Variants in PRKCB observed in about 807,000 individuals in gnomAD.
The protein encoded by PRKCB is protein kinase C beta.
A neutral mutation model predicts 81.5 loss-of-function variants in PRKCB; 13 were observed. That is an observed-to-expected ratio of 0.16 (90% CI 0.10 to 0.25). The LOEUF is 0.25. Among genes scored for constraint, PRKCB ranks in the 10% least tolerant of loss-of-function variants. The pLI, the probability that PRKCB is intolerant of heterozygous loss-of-function variation, is 1.00. For synonymous variants in PRKCB, 335 were observed against 321.4 expected (o/e 1.04, Z -0.45); for missense variants, 509 against 875.7 (o/e 0.58, Z 5.29).
intron 2 of PRKCB, among the ~76,000 whole-genome samples, chr16:23,948,897 A>G (rs957654185): frequency 5.9e-5 from 9 of 152,188 alleles, no homozygotes; most frequent in Non-Finnish European, 4.4e-5. Flanking sequence ...ATCTCCTGTC[A>G]GAGATTTGTG....
intron 2 of PRKCB, among the ~76,000 whole-genome samples, chr16:23,887,586 C>A (rs1465084037): frequency 6.6e-6 from 1 of 152,178 alleles, no homozygotes; most frequent in Non-Finnish European, 1.5e-5. Flanking sequence ...TTTTCTTTAT[C>A]CAATCCATTG....
intron 2 of PRKCB, among the ~76,000 whole-genome samples, chr16:23,957,988 TTA>T (rs905768200): frequency 3.3e-5 from 5 of 152,214 alleles, no homozygotes; most frequent in African/African-American, 1.2e-4. Flanking sequence ...TTAATTATTA[TTA>T]TGTTATCCTA....
At chr16:24,143,364 C>A (rs1966933542) in intron 9 of PRKCB, among the ~76,000 whole-genome samples, 2 of 152,102 alleles carry the variant, frequency 1.3e-5, no homozygotes, top group South Asian at 4.1e-4. Context: ...AACTCCTAAC[C>A]TCAGATGATC....
chr16:23,963,828 G>A (rs1964454541), intron 2 of PRKCB: 1 of 152,224 alleles, frequency 6.6e-6, no homozygotes, highest in Admixed American at 6.5e-5. Flanking sequence ...CCGGTAAGTT[G>A]TTATTGATCT....
At position 24,019,992 on chromosome 16, in the gene PRKCB, T is replaced by C. The variant is rs562536263; in HGVS notation, c.289-12144T>C. Among the ~76,000 whole-genome samples the C allele has an allele frequency of 2.0e-5, 3 of 152,304 alleles. No homozygotes were observed. In the South Asian group the frequency reaches 6.2e-4, roughly 32 times the overall value. The stretch of plus-strand genomic sequence containing the variant: ...TCCTATGTATGCAGGTTATTTTACC[T>C]TCGTCCAACGTGATGGAGTGAAAGG... On this transcript the variant is annotated intron_variant, in intron 3 of 16. Transcript: ENST00000643927.
rs570667693 is a variant in PRKCB, at chr16:23,982,477, G to A, written c.206-6031G>A. The stretch of plus-strand genomic sequence containing the variant: ...ATTCTGTTGCCCAGGCTGGAGTGCA[G>A]TGGTGCTAACACAGCTCACTACAGC... On this transcript the variant is annotated intron_variant, in intron 2 of 16. Transcript: ENST00000643927. Among the ~76,000 whole-genome samples, 6 of 151,416 alleles carry A rather than the reference G, an allele frequency of 4.0e-5. No individual in the cohort carries two copies. The South Asian group carries it at 8.3e-4, about 21-fold the overall frequency.
intron 5 of PRKCB, among the ~76,000 whole-genome samples, chr16:24,064,222 T>G (rs949148718): frequency 6.6e-6 from 1 of 152,220 alleles, no homozygotes; most frequent in African/African-American, 2.4e-5. Context: ...AGATTTAATT[T>G]GGTGTCCCTT....
chr16:24,039,944 C>T (rs559128056), intron 5 of PRKCB, among the ~76,000 whole-genome samples: 1 of 152,256 alleles, frequency 6.6e-6, no homozygotes, highest in African/African-American at 2.4e-5. Flanking sequence ...AGTGCCAGGC[C>T]AGAAGTGGCC....
In PRKCB at chr16:23,932,139, GAAA is replaced by G. The variant is rs375559037; in HGVS notation, c.206-56364_206-56362del. Among the ~76,000 whole-genome samples the G allele has an allele frequency of 2.5e-3, 374 of 152,188 alleles. 4 individuals are homozygous for G. The highest frequency in any genetic ancestry group is 4.1e-3 in the Non-Finnish European group (282 of 68,004). ...CACGAAACCAATGGCATGGAAGTGTGAAAAAAATAGAATTAAAAGATATAGCAA... is the reference window on the plus strand; with the variant it reads ...CACGAAACCAATGGCATGGAAGTGTGAAAATAGAATTAAAAGATATAGCAA... On this transcript the variant is annotated intron_variant, in intron 2 of 16. Transcript: ENST00000643927.
At chr16:24,137,062 T>C (rs1165899145) in intron 9 of PRKCB, among the ~76,000 whole-genome samples, 1 of 144,102 alleles carries the variant, frequency 6.9e-6, no homozygotes, top group Non-Finnish European at 1.5e-5. Flanking sequence ...TTTTTTTTTG[T>C]ATTTTTAGTA....
At chr16:24,029,949 A>G (rs555546385) in intron 3 of PRKCB, among the ~76,000 whole-genome samples, 7 of 151,932 alleles carry the variant, frequency 4.6e-5, no homozygotes, top group Admixed American at 6.6e-5. Context: ...CCCAGGCTGG[A>G]GTGCAGTGAT....
At chr16:23,910,190 C>G (rs1963628806) in intron 2 of PRKCB, among the ~76,000 whole-genome samples, 1 of 152,092 alleles carries the variant, frequency 6.6e-6, no homozygotes, top group Non-Finnish European at 1.5e-5. Context: ...GGCTTGAGAC[C>G]AGAGCTTGTC....
intron 8 of PRKCB, among the ~76,000 whole-genome samples, chr16:24,116,828 T>G (rs1966741971): frequency 6.6e-6 from 1 of 152,238 alleles, no homozygotes; most frequent in Non-Finnish European, 1.5e-5. Context: ...AGTATTTTCT[T>G]GTATATAACC....
At chr16:24,110,196 G>A (rs1309272397) in intron 7 of PRKCB, among the ~76,000 whole-genome samples, 8 of 144,762 alleles carry the variant, frequency 5.5e-5, no homozygotes, top group Admixed American at 2.7e-4. Context: ...GGGAGAGAGC[G>A]TCCCCAATCT....
chr16:23,900,037 G>T (rs1323847082), intron 2 of PRKCB, among the ~76,000 whole-genome samples: 1 of 152,126 alleles, frequency 6.6e-6, no homozygotes, highest in Non-Finnish European at 1.5e-5. Context: ...TAACTCAAGT[G>T]ATTTTGCCCC....
intron 2 of PRKCB, among the ~76,000 whole-genome samples, chr16:23,924,075 G>A (rs995629664): frequency 6.6e-6 from 1 of 152,078 alleles, no homozygotes; most frequent in Non-Finnish European, 1.5e-5. Flanking sequence ...TAATCCCCAT[G>A]TGTCTAGGGA....
intron 2 of PRKCB, among the ~76,000 whole-genome samples, chr16:23,933,234 G>A (rs1477049360): frequency 6.6e-6 from 1 of 152,184 alleles, no homozygotes; most frequent in Non-Finnish European, 1.5e-5. Flanking sequence ...GAGGCTGTTA[G>A]GTGAGGACAT....
chr16:24,125,810 G>A (rs973994303), intron 9 of PRKCB, among the ~76,000 whole-genome samples: 2 of 152,214 alleles, frequency 1.3e-5, no homozygotes, highest in Non-Finnish European at 2.9e-5. Context: ...TAAGGGATCT[G>A]AAATGATGGC....
At position 24,154,555 on chromosome 16, in the gene PRKCB, A is replaced by G; in HGVS notation, c.1066-129A>G. The G allele has an allele frequency of 3.8e-6, 3 of 798,026 alleles. No homozygotes were observed. The South Asian group carries it at 5.4e-5, about 14-fold the overall frequency. 49.4% of individuals were successfully genotyped at this position (798,026 alleles called of 1,614,324 possible). ...AAGTGTGAAGTCAATAGAAAACATTACCTGTTGTTTCAGAGTCAACAGAAG... is the reference window on the plus strand; with the variant it reads ...AAGTGTGAAGTCAATAGAAAACATTGCCTGTTGTTTCAGAGTCAACAGAAG... On this transcript the variant is annotated intron_variant, in intron 9 of 16. Transcript: ENST00000643927.
Sources: gnomAD v4.1 joint callset for allele counts (sites outside exome capture counted in the v4.1 genomes callset) on GRCh38, gnomAD v4.1.1 for gene constraint, MANE v1.5 for transcripts, NCBI Gene and HGNC (gene_info 2026-07-23, HGNC 2026-07-21) for gene names.